The following QKI variants were observed in gnomAD, a reference collection of about 807,000 sequenced individuals.
The protein encoded by QKI is KH domain-containing RNA-binding protein QKI.
In QKI, 10 loss-of-function variants were observed where a neutral mutation model predicts 39.0. The observed-to-expected ratio is 0.26, with a 90% CI of 0.16 to 0.43. The LOEUF is 0.43. QKI is among the 20% of genes least tolerant of loss of function. The pLI, the probability that QKI is intolerant of heterozygous loss-of-function variation, is 1.00. For missense variants in QKI, 218 were observed against 428.0 expected, an observed-to-expected ratio of 0.51 and a Z score of 4.33; for synonymous variants, 204 against 155.4, an observed-to-expected ratio of 1.31 and a Z score of -2.33.
intron 3 of QKI, among the ~76,000 whole-genome samples, chr6:163,479,540 T>G (rs1331563612): frequency 6.6e-6 from 1 of 152,080 alleles, no homozygotes; most frequent in Non-Finnish European, 1.5e-5. Context: ...CCCAGCTAAT[T>G]TTTGTATTTT....
intron 4 of QKI, among the ~76,000 whole-genome samples, chr6:163,557,488 T>C (rs1248855248): frequency 6.6e-6 from 1 of 152,120 alleles, no homozygotes; most frequent in Admixed American, 6.5e-5. Flanking sequence ...ATTAAGTCAA[T>C]TGAACTTATG....
At chr6:163,566,328 AGTG>A in intron 6 of QKI, 1 of 1,189,452 alleles carries the variant, frequency 8.4e-7, no homozygotes, top group Non-Finnish European at 1.0e-6. Flanking sequence ...AAACTCTTGA[AGTG>A]GTCTTAAGGT....
chr6:163,455,361 T>C lies in QKI; in HGVS notation c.225T>C (p.Ala75=), dbSNP rs767210681. The stretch of plus-strand genomic sequence containing the variant: ...AAAGGAGTGCAGAATTGCCTGATGC[T>C]GTGGGACCTATTGTTCAGTTACAAG... ...TEKRSAELPD[A]VGPIVQLQEK... Residue 75 remains alanine, a synonymous_variant, in exon 2 of 8, where the codon GCT becomes GCC. Coordinates refer to ENST00000361752, the MANE Select transcript of QKI (RefSeq NM_006775.3). The C allele has an allele frequency of 1.1e-5, 17 of 1,612,852 alleles. No homozygotes were observed. In the African/African-American group the frequency reaches 1.1e-4, roughly 10 times the overall value.
intron 4 of QKI, among the ~76,000 whole-genome samples, chr6:163,561,330 G>A (rs544602019): frequency 6.6e-6 from 1 of 152,200 alleles, no homozygotes; most frequent in South Asian, 2.1e-4. Context: ...TTGCTGGCTG[G>A]GTGCAGTGGC....
At chr6:163,430,925 A>G (rs183668846) in intron 1 of QKI, among the ~76,000 whole-genome samples, 2 of 152,312 alleles carry the variant, frequency 1.3e-5, no homozygotes, top group African/African-American at 4.8e-5. Flanking sequence ...ATGTGTTGCC[A>G]TATTAAGTCT....
intron 3 of QKI, among the ~76,000 whole-genome samples, chr6:163,506,917 G>A (rs965638888): frequency 2.0e-5 from 3 of 151,934 alleles, no homozygotes; most frequent in African/African-American, 7.3e-5. Context: ...CCCACCAATG[G>A]CAACTTTGAT....
chr6:163,517,081 T>TTTC (rs1779865431), intron 3 of QKI, among the ~76,000 whole-genome samples: 1 of 97,674 alleles, frequency 1.0e-5, no homozygotes, highest in Non-Finnish European at 1.9e-5. Context: ...CTCTCTCTCT[T>TTTC]TCTCTCTCTC....
At position 163,415,020 on chromosome 6, in the gene QKI, C is replaced by G; in HGVS notation, c.-174C>G. The G allele has an allele frequency of 5.2e-6, 3 of 574,528 alleles. No homozygotes were observed. The highest frequency in any genetic ancestry group is 6.5e-6 in the Non-Finnish European group (3 of 458,606). 35.6% of individuals were successfully genotyped at this position (574,528 alleles called of 1,614,324 possible). A position where few individuals can be genotyped will look rare whatever the true frequency, so the allele number is the denominator to read the frequency against. On this transcript the variant is annotated 5_prime_UTR_variant, in exon 1 of 8. Transcript: ENST00000361752. ...GCGGAAAGTGCCTGCGGGGGGCGGG[C>G]GAGCGCGCGGTGCCGGCCGCCCCGG... is the stretch of plus-strand genomic sequence containing the variant.
intron 3 of QKI, among the ~76,000 whole-genome samples, chr6:163,510,372 A>C (rs1018031137): frequency 6.6e-5 from 10 of 151,960 alleles, no homozygotes; most frequent in Non-Finnish European, 1.5e-4. Context: ...CAGCCTGGCC[A>C]ACTTAGTGAA....
At position 163,577,375 on chromosome 6, in the gene QKI, T is replaced by A. The variant is rs1777638589; in HGVS notation, c.*6665T>A. The A allele has an allele frequency of 2.0e-5, 3 of 151,722 alleles. No individual in the cohort carries two copies. Among genetic ancestry groups the A allele is most frequent in the African/African-American group, 4.9e-5 (2 of 41,108 alleles). The allele number at this position is 151,722 out of a possible 1,614,324, so 9.4% of individuals were successfully genotyped here. A position where few individuals can be genotyped will look rare whatever the true frequency, so the allele number is the denominator to read the frequency against. ...TGCTTTTTAAACTACTTGCCATAAT[T>A]TAAAAGTGGCAACACTAGACTTAAA... On this transcript the variant is annotated 3_prime_UTR_variant, in exon 8 of 8. Coordinates refer to ENST00000361752, the MANE Select transcript of QKI (RefSeq NM_006775.3).
intron 1 of QKI, among the ~76,000 whole-genome samples, chr6:163,432,299 G>A (rs546533204): frequency 6.6e-6 from 1 of 152,234 alleles, no homozygotes; most frequent in Admixed American, 6.5e-5. Flanking sequence ...GCATTTTCCA[G>A]CAGGGTGAAT....
At chr6:163,566,855 C>T in intron 7 of QKI, 60 bp downstream of exon 7, 1 of 1,588,682 alleles carries the variant, frequency 6.3e-7, no homozygotes, top group East Asian at 2.3e-5. Context: ...ATAAAATTTG[C>T]AACACCACAC....
chr6:163,564,695 T>TA (rs774213800), intron 6 of QKI: 11 of 1,614,116 alleles, frequency 6.8e-6, no homozygotes, highest in Non-Finnish European at 9.3e-6. Context: ...TCATGCCTGA[T>TA]ATTTCAGCCC....
chr6:163,505,959 G>A (rs1779067295), intron 3 of QKI, among the ~76,000 whole-genome samples: 1 of 152,116 alleles, frequency 6.6e-6, no homozygotes, highest in African/African-American at 2.4e-5. Flanking sequence ...CTGGTGGGAG[G>A]TGATTGGATC....
At chr6:163,516,906 G>A (rs917657016) in intron 3 of QKI, among the ~76,000 whole-genome samples, 1 of 151,958 alleles carries the variant, frequency 6.6e-6, no homozygotes, top group East Asian at 1.9e-4. Context: ...AGCCTCTTGG[G>A]TTCATGCCAT....
At chr6:163,540,150 CAA>C (rs752261027) in intron 4 of QKI, among the ~76,000 whole-genome samples, 3 of 150,554 alleles carry the variant, frequency 2.0e-5, no homozygotes, top group Admixed American at 6.6e-5. Context: ...TTTAGAAAGA[CAA>C]AGAGTTTTGT....
Position 163,499,095 on chromosome 6 carries a change from GCAT to G in QKI, c.402+20203_402+20205del, listed in dbSNP as rs367859260. Among the ~76,000 whole-genome samples the G allele has an allele frequency of 6.1e-3, 925 of 152,290 alleles. 7 individuals are homozygous for G. The highest frequency in any genetic ancestry group is 9.9e-3 in the Admixed American group (151 of 15,292). On this transcript the variant is annotated intron_variant, in intron 3 of 7. Coordinates refer to ENST00000361752, the MANE Select transcript of QKI (RefSeq NM_006775.3). ...CACAGGTATGCAGTTCTACACTGCGGCATCATGTCAGTGCTCAAAATGTGTCAT... is the reference window on the plus strand; with the variant it reads ...CACAGGTATGCAGTTCTACACTGCGGCATGTCAGTGCTCAAAATGTGTCAT...
chr6:163,473,603 A>G (rs1194455930), intron 2 of QKI, among the ~76,000 whole-genome samples: 1 of 152,212 alleles, frequency 6.6e-6, no homozygotes, highest in Non-Finnish European at 1.5e-5. Context: ...TTAGGCATCT[A>G]TTTTAAATCA....
chr6:163,507,340 C>T (rs1029929098), intron 3 of QKI, among the ~76,000 whole-genome samples: 1 of 152,140 alleles, frequency 6.6e-6, no homozygotes, highest in African/African-American at 2.4e-5. Flanking sequence ...TACTTAATCC[C>T]CTGCAATAAG....
Sources: allele counts gnomAD v4.1 joint callset (sites outside exome capture counted in the v4.1 genomes callset), GRCh38; gene constraint gnomAD v4.1.1; transcripts MANE v1.5; gene names NCBI Gene and HGNC (gene_info 2026-07-23, HGNC 2026-07-21).